MARK2: variants seen among roughly 807,000 people sequenced by gnomAD.
MARK2 encodes microtubule affinity regulating kinase 2.
A neutral mutation model predicts 89.8 loss-of-function variants in MARK2; 16 were observed. The ratio of observed to expected loss-of-function variants is 0.18; its 90% CI spans 0.12 to 0.27. MARK2 has a LOEUF of 0.27. MARK2 is among the 10% of genes least tolerant of loss of function. The probability of loss-of-function intolerance (pLI) is 1.00; values close to 1 mark genes in which losing one functional copy is unlikely to be tolerated. For missense variants in MARK2, 621 were observed against 1,049.9 expected (o/e 0.59, Z 5.65); for synonymous variants, 382 against 399.5 (o/e 0.96, Z 0.52).
intron 1 of MARK2, among the ~76,000 whole-genome samples, chr11:63,878,519 A>G (rs554174442): frequency 1.9e-3 from 285 of 151,508 alleles, no homozygotes; most frequent in Non-Finnish European, 3.1e-3. Flanking sequence ...ACAGGTGCCC[A>G]CCACCACGCC....
At chr11:63,880,739 G>A (rs777459023) in intron 1 of MARK2, among the ~76,000 whole-genome samples, 1 of 152,164 alleles carries the variant, frequency 6.6e-6, no homozygotes, top group Non-Finnish European at 1.5e-5. Flanking sequence ...GGGCCCTGCT[G>A]GTCCCTGGCT....
chr11:63,870,697 G>C (rs1938395824), intron 1 of MARK2, among the ~76,000 whole-genome samples: 2 of 152,236 alleles, frequency 1.3e-5, no homozygotes, highest in South Asian at 4.1e-4. Flanking sequence ...TGAAGTGCTA[G>C]TGCAGGAAGG....
chr11:63,909,370 C>A lies in MARK2; in HGVS notation c.*133C>A. 1 of 944,810 alleles carries A rather than the reference C, an allele frequency of 1.1e-6. No homozygotes were observed. 58.5% of individuals were successfully genotyped at this position (944,810 alleles called of 1,614,324 possible). A position where few individuals can be genotyped will look rare whatever the true frequency, so the allele number is the denominator to read the frequency against. On this transcript the variant is annotated 3_prime_UTR_variant, in exon 19 of 19. Coordinates refer to ENST00000402010, the MANE Select transcript of MARK2 (RefSeq NM_001039469.3). The stretch of plus-strand genomic sequence containing the variant: ...CTGCTGGCACTTCTCCCCTCCCTGG[C>A]CCTTCTCAGTTTTCTCTTACATGTT...
chr11:63,864,416 A>AT (rs1415653561), intron 1 of MARK2, among the ~76,000 whole-genome samples: 47 of 149,834 alleles, frequency 3.1e-4, no homozygotes, highest in African/African-American at 1.0e-3. Context: ...CCACCGGCTA[A>AT]TTTTTTTTTG....
chr11:63,859,319 CTTT>C (rs533265241), intron 1 of MARK2, among the ~76,000 whole-genome samples: 2 of 141,766 alleles, frequency 1.4e-5, no homozygotes, highest in Non-Finnish European at 1.5e-5. Flanking sequence ...CTGTTTATTT[CTTT>C]TTTTTTTTTT....
chr11:63,850,020 A>C (rs2016485808), intron 1 of MARK2: 1 of 149,922 alleles, frequency 6.7e-6, no homozygotes, highest in Admixed American at 6.6e-5. Context: ...TGAGCACCAC[A>C]CAACTCTAGG....
chr11:63,873,893 T>G (rs2135270688), intron 1 of MARK2, among the ~76,000 whole-genome samples: 2 of 152,352 alleles, frequency 1.3e-5, no homozygotes, highest in East Asian at 3.9e-4. Flanking sequence ...GTGATCCGCC[T>G]GCCTCGGCCT....
chr11:63,902,870 C>T lies in MARK2; in HGVS notation c.1416+88C>T, dbSNP rs1941013716. On this transcript the variant is annotated intron_variant, in intron 13 of 18. Coordinates refer to ENST00000402010, the MANE Select transcript of MARK2 (RefSeq NM_001039469.3). The surrounding 1 kb of genome is among the most constrained non-coding windows in gnomAD (Gnocchi z 4.2). ...TCTTCTCTTAATTCAGACTCTGTTC[C>T]CTTTGGCTACTACTTCTGCTTATAG... 8.2e-7 allele frequency: 1 copy of T among 1,212,934 alleles called. No homozygotes were observed. The highest frequency in any genetic ancestry group is 1.2e-6 in the Non-Finnish European group (1 of 840,354). 75.1% of individuals were successfully genotyped at this position (1,212,934 alleles called of 1,614,324 possible). A position where few individuals can be genotyped will look rare whatever the true frequency, so the allele number is the denominator to read the frequency against.
chr11:63,889,028 A>G (rs1939605377), intron 1 of MARK2: 1 of 1,246,164 alleles, frequency 8.0e-7, no homozygotes, highest in Admixed American at 2.0e-5. Context: ...CATCTCAAAC[A>G]TAGGATCTTT....
Position 63,903,385 on chromosome 11 carries a change from C to T in MARK2, c.1514+227C>T, listed in dbSNP as rs1941061014. The T allele has an allele frequency of 1.8e-5, 10 of 547,502 alleles. No homozygotes were observed. The highest frequency in any genetic ancestry group is 8.0e-5 in the South Asian group (4 of 49,982). 33.9% of individuals were successfully genotyped at this position (547,502 alleles called of 1,614,324 possible). Reference sequence around the variant, plus strand: ...GCAGTTTGCCAAGTGTGGGGCTGACCGTGGCCATCTCAGCTACATGCTCGC... The same window carrying T: ...GCAGTTTGCCAAGTGTGGGGCTGACTGTGGCCATCTCAGCTACATGCTCGC... On this transcript the variant is annotated intron_variant, in intron 14 of 18. Coordinates refer to ENST00000402010, the MANE Select transcript of MARK2 (RefSeq NM_001039469.3). This position sits in a 1 kb window ranked among gnomAD's most constrained non-coding sequence, Gnocchi z 5.1.
chr11:63,909,004 C>G lies in MARK2; in HGVS notation c.2134C>G (p.Arg712Gly). 1.3e-6 allele frequency: 2 copies of G among 1,583,108 alleles called. No individual in the cohort carries two copies. The highest frequency in any genetic ancestry group is 4.5e-5 in the East Asian group (2 of 44,000). ...CTCCATGGAGCCCAACGAGATGATG[C>G]GGGAGATCCGCAAGGTGCTGGACGC... ...TSSMEPNEMM[R>G]EIRKVLDANS... Residue 712 changes from arginine to glycine, a missense_variant, in exon 19 of 19, where the codon CGG becomes GGG. This residue lies in a region of MARK2 where 49 missense variants were observed against 46.7 expected (regional missense o/e 1.05). Transcript: ENST00000402010.
chr11:63,853,689 G>A (rs923430251), intron 1 of MARK2, among the ~76,000 whole-genome samples: 101 of 152,252 alleles, frequency 6.6e-4, no homozygotes, highest in African/African-American at 2.3e-3. Context: ...AACTGCTGAC[G>A]CCGTAACATG....
intron 17 of MARK2, among the ~76,000 whole-genome samples, chr11:63,907,526 C>T (rs1343771780): frequency 6.6e-6 from 1 of 152,228 alleles, no homozygotes; most frequent in East Asian, 1.9e-4. Flanking sequence ...CTGGAGAAGC[C>T]GCTCAGCGGG....
chr11:63,908,410 G>T, intron 18 of MARK2, 106 bp downstream of exon 18: 1 of 938,166 alleles, frequency 1.1e-6, no homozygotes, highest in South Asian at 1.4e-5. Flanking sequence ...CCGTGGTTCT[G>T]CCCTGTCCCT....
chr11:63,895,658 C>CT lies in MARK2; in HGVS notation c.288+53dup, dbSNP rs544118942. On this transcript the variant is annotated intron_variant, in intron 3 of 18. Transcript: ENST00000402010. ...AGTAAGCACATGGCACCTCCTGTCC[C>CT]TTTTTTTTTTTTTTTTTTTTTTTTT... The CT allele has an allele frequency of 8.7e-3, 10,011 of 1,153,966 alleles. 172 individuals are homozygous for CT. The highest frequency in any genetic ancestry group is 0.038 in the African/African-American group (1,434 of 37,720). The allele number at this position is 1,153,966 out of a possible 1,614,324, so 71.5% of individuals were successfully genotyped here.
chr11:63,905,514 A>C (rs942164821), intron 16 of MARK2, among the ~76,000 whole-genome samples: 1 of 152,232 alleles, frequency 6.6e-6, no homozygotes, highest in African/African-American at 2.4e-5. Flanking sequence ...AGGCGCAGCC[A>C]TGCCCTTCTG....
rs1004849112 is a variant in MARK2, at chr11:63,839,427, C to T, written c.-80C>T. 131 of 873,270 alleles carry T rather than the reference C, an allele frequency of 1.5e-4. No individual in the cohort carries two copies. Among genetic ancestry groups the T allele is most frequent in the Middle Eastern group, 5.5e-4 (2 of 3,646 alleles). The allele number at this position is 873,270 out of a possible 1,614,324, so 54.1% of individuals were successfully genotyped here. A position where few individuals can be genotyped will look rare whatever the true frequency, so the allele number is the denominator to read the frequency against. The stretch of plus-strand genomic sequence containing the variant: ...GGCGGGTGCTCCTGCTGTGAGAAGC[C>T]CCGCCCGGCCGGGCTCCGCGCCTTC... On this transcript the variant is annotated 5_prime_UTR_variant, in exon 1 of 19. Coordinates refer to ENST00000402010, the MANE Select transcript of MARK2 (RefSeq NM_001039469.3).
chr11:63,839,715 G>A (rs1361655953), intron 1 of MARK2, among the ~76,000 whole-genome samples, 155 bp downstream of exon 1: 3 of 151,988 alleles, frequency 2.0e-5, no homozygotes, highest in African/African-American at 4.8e-5. Context: ...CGCACATCCC[G>A]CTTCCGAGTC....
At chr11:63,854,186 C>CTG (rs55689743) in intron 1 of MARK2, among the ~76,000 whole-genome samples, 1,971 of 141,480 alleles carry the variant, frequency 0.014, 23 homozygotes, top group African/African-American at 0.032. Flanking sequence ...ACTATTAATT[C>CTG]TGTGTGTGTG....
Sources: gnomAD v4.1 joint callset for allele counts (sites outside exome capture counted in the v4.1 genomes callset) on GRCh38, gnomAD v4.1.1 for gene constraint, gnomAD v4.1.1 regional missense constraint, Gnocchi (gnomAD v3.1) non-coding constraint, MANE v1.5 for transcripts, NCBI Gene and HGNC (gene_info 2026-07-23, HGNC 2026-07-21) for gene names.